LRRC4C: variants seen among roughly 807,000 people sequenced by gnomAD.
LRRC4C encodes leucine-rich repeat-containing protein 4C.
LRRC4C carries 5 observed loss-of-function variants against 33.6 expected under a neutral mutation model. The observed-to-expected ratio is 0.15, with a 90% CI of 0.08 to 0.31. LRRC4C has a LOEUF of 0.31. Ranked by LOEUF, LRRC4C falls within the 10% of genes least tolerant of loss-of-function variation. LRRC4C has a pLI of 1.00. For synonymous variants in LRRC4C, 329 were observed against 302.0 expected (o/e 1.09, Z -0.93); for missense variants, 560 against 796.7 (o/e 0.70, Z 3.58).
At chr11:40,530,740 T>A (rs1457403908) in intron 3 of LRRC4C, among the ~76,000 whole-genome samples, 1 of 152,044 alleles carries the variant, frequency 6.6e-6, no homozygotes, top group Non-Finnish European at 1.5e-5. Context: ...TCACAAATAA[T>A]TACTATCATA....
chr11:41,134,411 C>T (rs910252370), intron 1 of LRRC4C, among the ~76,000 whole-genome samples: 11 of 152,284 alleles, frequency 7.2e-5, no homozygotes, highest in Non-Finnish European at 1.5e-4. Flanking sequence ...GCATGTGCCA[C>T]TATGCCTGGC....
At chr11:41,099,282 G>A (rs1035154917) in intron 1 of LRRC4C, among the ~76,000 whole-genome samples, 8 of 151,016 alleles carry the variant, frequency 5.3e-5, no homozygotes, top group African/African-American at 1.7e-4. Context: ...ATACCATTCC[G>A]ACTGAAACTA....
chr11:40,710,220 CTTTGTTCCGTTGT>C, intron 2 of LRRC4C, among the ~76,000 whole-genome samples: 1 of 152,188 alleles, frequency 6.6e-6, no homozygotes, highest in Non-Finnish European at 1.5e-5. Context: ...CTCCATCCTG[CTTTGTTCCGTTGT>C]TGGCGAGGAG....
rs145265662 is a variant in LRRC4C at position 41,435,131 on chromosome 11, G to A, written c.-496+24300C>T. Among the ~76,000 whole-genome samples, 3 of 152,232 alleles carry A rather than the reference G, an allele frequency of 2.0e-5. No individual in the cohort carries two copies. The East Asian group carries it at 5.8e-4, about 29-fold the overall frequency. ...TGGATTTTTACATAGATAGGATATT[G>A]ATGCTTCCTTTTATTACAATCACAA... On this transcript the variant is annotated intron_variant, in intron 1 of 6. Transcript: ENST00000528697.
intron 1 of LRRC4C, among the ~76,000 whole-genome samples, chr11:41,363,749 A>T (rs1952437202): frequency 6.6e-6 from 1 of 152,192 alleles, no homozygotes; most frequent in Non-Finnish European, 1.5e-5. Context: ...GGTTTTGTTT[A>T]CAACTTTCTT....
intron 1 of LRRC4C, among the ~76,000 whole-genome samples, chr11:41,045,045 GA>G (rs1857679386): frequency 6.6e-6 from 1 of 151,990 alleles, no homozygotes; most frequent in Non-Finnish European, 1.5e-5. Context: ...CCATTTCAAT[GA>G]GCATTTCTTG....
At chr11:40,780,671 G>A (rs572243592) in intron 2 of LRRC4C, among the ~76,000 whole-genome samples, 1 of 152,122 alleles carries the variant, frequency 6.6e-6, no homozygotes, top group South Asian at 2.1e-4. Flanking sequence ...TATAACAAAT[G>A]GCATTTAGAA....
At chr11:41,176,640 T>G (rs1329235696) in intron 1 of LRRC4C, among the ~76,000 whole-genome samples, 1 of 152,152 alleles carries the variant, frequency 6.6e-6, no homozygotes, top group Non-Finnish European at 1.5e-5. Flanking sequence ...TTATAAATAC[T>G]GTAAAGATAA....
intron 2 of LRRC4C, among the ~76,000 whole-genome samples, chr11:40,789,255 A>T (rs1438376198): frequency 6.6e-6 from 1 of 152,126 alleles, no homozygotes; most frequent in African/African-American, 2.4e-5. Flanking sequence ...ACTGAAAAAA[A>T]ATCAAATTCT....
At chr11:40,139,734 T>A (rs1233247271) in intron 6 of LRRC4C, among the ~76,000 whole-genome samples, 1 of 152,228 alleles carries the variant, frequency 6.6e-6, no homozygotes, top group African/African-American at 2.4e-5. Context: ...AGATCATTTG[T>A]GAGCAATGAA....
intron 6 of LRRC4C, among the ~76,000 whole-genome samples, chr11:40,117,806 T>A (rs952050011): frequency 2.6e-5 from 4 of 152,000 alleles, no homozygotes; most frequent in Non-Finnish European, 5.9e-5. Context: ...ACTTATCCTT[T>A]CTGTGGCTTA....
chr11:40,298,743 G>T (rs1361948035), intron 4 of LRRC4C, among the ~76,000 whole-genome samples: 1 of 152,016 alleles, frequency 6.6e-6, no homozygotes, highest in Non-Finnish European at 1.5e-5. Flanking sequence ...CCACATGGCT[G>T]GGGAGGCCTC....
At chr11:40,285,875 G>A (rs7120734) in intron 4 of LRRC4C, among the ~76,000 whole-genome samples, 6 of 152,068 alleles carry the variant, frequency 3.9e-5, no homozygotes, top group Non-Finnish European at 5.9e-5. Context: ...CAGCAGATAC[G>A]CAGTTCCTAT....
chr11:40,517,185 G>A lies in LRRC4C; in HGVS notation c.-270+130957C>T, dbSNP rs118034596. Among the ~76,000 whole-genome samples the A allele has an allele frequency of 4.2e-3, 643 of 152,190 alleles. 3 individuals carry two copies. Among genetic ancestry groups the A allele is most frequent in the Non-Finnish European group, 5.9e-3 (398 of 67,998 alleles). On this transcript the variant is annotated intron_variant, in intron 3 of 6. Transcript: ENST00000528697. ...GAGTCATGGACACATATAATTTACT[G>A]GCAGAAAATACAATATGCTAATGTG...
chr11:40,322,855 C>A (rs947701215), intron 3 of LRRC4C, among the ~76,000 whole-genome samples: 12 of 152,068 alleles, frequency 7.9e-5, no homozygotes, highest in Admixed American at 7.2e-4. Flanking sequence ...TTGTCAGCAT[C>A]CTCATCATCA....
At chr11:40,275,064 T>A (rs567948892) in intron 4 of LRRC4C, among the ~76,000 whole-genome samples, 18 of 152,268 alleles carry the variant, frequency 1.2e-4, no homozygotes, top group Middle Eastern at 3.4e-3. Flanking sequence ...AGCATTGACA[T>A]TAGAATTTAA....
chr11:40,367,366 T>C lies in LRRC4C; in HGVS notation c.-269-47645A>G, dbSNP rs138393303. ...TTGTCTGAGGCATTTGATGGAAACATTTCCAGTTGTTAATCCACTTACAGA... is the reference window on the plus strand; with the variant it reads ...TTGTCTGAGGCATTTGATGGAAACACTTCCAGTTGTTAATCCACTTACAGA... On this transcript the variant is annotated intron_variant, in intron 3 of 6. Transcript: ENST00000528697. Among the ~76,000 whole-genome samples the C allele has an allele frequency of 8.9e-4, 135 of 152,222 alleles. 1 individual carries two copies. The highest frequency in any genetic ancestry group is 3.0e-3 in the African/African-American group (124 of 41,570).
At chr11:40,712,065 C>T (rs1036962853) in intron 2 of LRRC4C, among the ~76,000 whole-genome samples, 24 of 152,070 alleles carry the variant, frequency 1.6e-4, no homozygotes, top group Non-Finnish European at 3.4e-4. Context: ...GGGCTAAAGG[C>T]AAGGATACAT....
intron 3 of LRRC4C, among the ~76,000 whole-genome samples, chr11:40,352,594 T>C (rs1947462477): frequency 6.6e-6 from 1 of 152,146 alleles, no homozygotes; most frequent in Admixed American, 6.5e-5. Flanking sequence ...TCATCTTGAG[T>C]TGACAAGATA....
Sources: gnomAD v4.1 joint callset for allele counts (sites outside exome capture counted in the v4.1 genomes callset) on GRCh38, gnomAD v4.1.1 for gene constraint, MANE v1.5 for transcripts, NCBI Gene and HGNC (gene_info 2026-07-23, HGNC 2026-07-21) for gene names.